CSMD3: variants seen among roughly 807,000 people sequenced by gnomAD.
CSMD3 encodes CUB and sushi domain-containing protein 3.
A neutral mutation model predicts 435.2 loss-of-function variants in CSMD3; 177 were observed. That is an observed-to-expected ratio of 0.41 (90% CI 0.36 to 0.46). CSMD3 has a LOEUF of 0.46. Among genes scored for constraint, CSMD3 ranks in the 20% least tolerant of loss-of-function variants. CSMD3 has a pLI of 0.34. For synonymous variants in CSMD3, 1,656 were observed against 1,520.5 expected (o/e 1.09, Z -2.07); for missense variants, 4,265 against 4,504.6 (o/e 0.95, Z 1.52).
intron 45 of CSMD3, among the ~76,000 whole-genome samples, chr8:112,325,774 T>C (rs1217861093): frequency 2.0e-5 from 3 of 152,118 alleles, no homozygotes; most frequent in Non-Finnish European, 4.4e-5. Flanking sequence ...GGTTCGAATC[T>C]TATTTTGAAC....
At chr8:112,840,951 C>G (rs2080161820) in intron 11 of CSMD3, among the ~76,000 whole-genome samples, 1 of 151,580 alleles carries the variant, frequency 6.6e-6, no homozygotes, top group African/African-American at 2.4e-5. Flanking sequence ...TCTTCCTTCA[C>G]TGGGGGAAGA....
intron 13 of CSMD3, among the ~76,000 whole-genome samples, chr8:112,767,664 A>T (rs960363642): frequency 6.6e-6 from 1 of 151,804 alleles, no homozygotes; most frequent in Non-Finnish European, 1.5e-5. Flanking sequence ...TATTATTATT[A>T]TTTTTAATAA....
intron 45 of CSMD3, among the ~76,000 whole-genome samples, chr8:112,333,677 C>CACAG (rs201327263): frequency 1.2e-3 from 188 of 151,978 alleles, no homozygotes; most frequent in African/African-American, 4.4e-3. Flanking sequence ...CATACACACA[C>CACAG]ACACACACAC....
intron 10 of CSMD3, among the ~76,000 whole-genome samples, chr8:112,864,847 T>C (rs548631753): frequency 7.9e-5 from 12 of 152,334 alleles, no homozygotes; most frequent in African/African-American, 2.9e-4. Context: ...ATGCGTTTCC[T>C]ATATTTATGA....
chr8:113,310,104 C>T (rs1301561565), intron 2 of CSMD3: 1 of 152,116 alleles, frequency 6.6e-6, no homozygotes, highest in Non-Finnish European at 1.5e-5. Context: ...AGTAACATGT[C>T]AGGAGTCACA....
chr8:112,641,442 C>A (rs1256920225), intron 20 of CSMD3, among the ~76,000 whole-genome samples: 2 of 152,106 alleles, frequency 1.3e-5, no homozygotes, highest in Admixed American at 6.6e-5. Flanking sequence ...AAATTTTAAT[C>A]ATTCTGCCAA....
intron 13 of CSMD3, among the ~76,000 whole-genome samples, chr8:112,788,154 C>A (rs2078599294): frequency 6.6e-6 from 1 of 152,034 alleles, no homozygotes; most frequent in South Asian, 2.1e-4. Flanking sequence ...TTCTATGATT[C>A]CCCTACTTTA....
intron 40 of CSMD3, among the ~76,000 whole-genome samples, chr8:112,346,925 C>A (rs901339777): frequency 6.6e-6 from 1 of 151,864 alleles, no homozygotes; most frequent in African/African-American, 2.4e-5. Flanking sequence ...GTGATCCGCC[C>A]GCCCAGGCCT....
chr8:112,679,393 G>C (rs2075837875), intron 16 of CSMD3, among the ~76,000 whole-genome samples: 2 of 152,080 alleles, frequency 1.3e-5, no homozygotes, highest in Non-Finnish European at 2.9e-5. Flanking sequence ...CTCATCCTTA[G>C]TGATGTTTCC....
chr8:112,775,435 T>G (rs1563948289), intron 13 of CSMD3, among the ~76,000 whole-genome samples: 1 of 151,950 alleles, frequency 6.6e-6, no homozygotes, highest in East Asian at 1.9e-4. Flanking sequence ...TTTATCATTT[T>G]GAATTCCTTG....
chr8:113,265,214 G>T (rs2093459635), intron 3 of CSMD3, among the ~76,000 whole-genome samples: 1 of 151,490 alleles, frequency 6.6e-6, no homozygotes, highest in Non-Finnish European at 1.5e-5. Context: ...ATGATTTTTT[G>T]AAGGTAACCA....
chr8:112,305,688 TA>T (rs1458662471), intron 51 of CSMD3, among the ~76,000 whole-genome samples: 1 of 152,088 alleles, frequency 6.6e-6, no homozygotes, highest in East Asian at 1.9e-4. Flanking sequence ...ACACAGTCTT[TA>T]AAAATTTTCT....
At chr8:113,290,889 A>G (rs1297543383) in intron 2 of CSMD3, among the ~76,000 whole-genome samples, 1 of 151,532 alleles carries the variant, frequency 6.6e-6, no homozygotes, top group Non-Finnish European at 1.5e-5. Flanking sequence ...AAATTAAATA[A>G]TAAATTACTT....
intron 4 of CSMD3, among the ~76,000 whole-genome samples, chr8:113,171,989 G>C (rs2092276231): frequency 6.6e-6 from 1 of 152,128 alleles, no homozygotes; most frequent in Non-Finnish European, 1.5e-5. Context: ...TAAGCTCATG[G>C]TTCATCTCTT....
intron 3 of CSMD3, among the ~76,000 whole-genome samples, chr8:113,186,749 T>C (rs2092508937): frequency 6.6e-6 from 1 of 152,052 alleles, no homozygotes; most frequent in African/African-American, 2.4e-5. Flanking sequence ...TTACACCCTG[T>C]GGTCACATGG....
intron 10 of CSMD3, among the ~76,000 whole-genome samples, chr8:112,862,318 TATA>T (rs1351210327): frequency 6.6e-6 from 1 of 152,050 alleles, no homozygotes; most frequent in African/African-American, 2.4e-5. Flanking sequence ...TAGCTAATTC[TATA>T]ATATTAGTCT....
At chr8:112,560,952 C>A (rs576757238) in intron 24 of CSMD3, among the ~76,000 whole-genome samples, 1 of 151,726 alleles carries the variant, frequency 6.6e-6, no homozygotes, top group Non-Finnish European at 1.5e-5. Flanking sequence ...TTGCCAAATT[C>A]ATCCTTCCTT....
chr8:113,286,575 G>C (rs1166715109), intron 2 of CSMD3, among the ~76,000 whole-genome samples: 2 of 151,806 alleles, frequency 1.3e-5, no homozygotes, highest in Non-Finnish European at 2.9e-5. Context: ...ATAAGAATCA[G>C]CATCATTCTT....
chr8:112,709,723 T>A (rs574417199), intron 13 of CSMD3, among the ~76,000 whole-genome samples: 4 of 152,154 alleles, frequency 2.6e-5, no homozygotes, highest in African/African-American at 9.6e-5. Flanking sequence ...AAAGTAAATA[T>A]AAACAAAGAA....
Sources: gnomAD v4.1 joint callset for allele counts (sites outside exome capture counted in the v4.1 genomes callset) on GRCh38, gnomAD v4.1.1 for gene constraint, MANE v1.5 for transcripts, NCBI Gene and HGNC (gene_info 2026-07-23, HGNC 2026-07-21) for gene names.